The following PAX5 variants were observed in gnomAD, a reference collection of about 807,000 sequenced individuals.
The protein encoded by PAX5 is paired box protein Pax-5.
In PAX5, 9 loss-of-function variants were observed where a neutral mutation model predicts 43.7. That is an observed-to-expected ratio of 0.21 (90% confidence interval 0.12 to 0.36). The LOEUF is 0.36. Among genes scored for constraint, PAX5 ranks in the 10% least tolerant of loss-of-function variants. The probability of loss-of-function intolerance (pLI) is 1.00; values close to 1 mark genes in which losing one functional copy is unlikely to be tolerated. For synonymous variants in PAX5, 228 were observed against 214.3 expected, an observed-to-expected ratio of 1.06 and a Z score of -0.56; for missense variants, 383 against 532.7, an observed-to-expected ratio of 0.72 and a Z score of 2.77.
intron 5 of PAX5, 24 bp downstream of exon 5, chr9:37,002,624 C>T (rs1359021557): frequency 6.3e-7 from 1 of 1,599,382 alleles, no homozygotes; most frequent in Non-Finnish European, 8.5e-7. Flanking sequence ...GCATCCCCGA[C>T]GGGGCTGCGC....
Position 37,026,645 on chromosome 9 carries a change from T to G in PAX5, c.47-5844A>C, listed in dbSNP as rs1840406880. On this transcript the variant is annotated intron_variant, in intron 1 of 9. Transcript: ENST00000358127. ...GCGCCAAGGGGCTGCCCAGGGCGGA[T>G]AGGGAGCCTCGCCACCAGGCCAGGC... 2.2e-6 allele frequency: 3 copies of G among 1,349,378 alleles called. No homozygotes were observed. In the South Asian group the frequency reaches 3.7e-5, roughly 17 times the overall value. 83.6% of individuals were successfully genotyped at this position (1,349,378 alleles called of 1,614,324 possible).
At chr9:36,871,094 G>T (rs1825442493) in intron 8 of PAX5, among the ~76,000 whole-genome samples, 1 of 152,224 alleles carries the variant, frequency 6.6e-6, no homozygotes, top group South Asian at 2.1e-4. Flanking sequence ...CTCTTGACAG[G>T]CCTTTTGGCA....
chr9:36,971,001 C>T (rs956038646), intron 5 of PAX5, among the ~76,000 whole-genome samples: 6 of 152,208 alleles, frequency 3.9e-5, no homozygotes, highest in South Asian at 2.1e-4. Flanking sequence ...GTGTGACAAG[C>T]ACCATCACTC....
At chr9:36,901,147 C>A (rs546308626) in intron 7 of PAX5, among the ~76,000 whole-genome samples, 1 of 152,234 alleles carries the variant, frequency 6.6e-6, no homozygotes, top group South Asian at 2.1e-4. Context: ...ACAGAGATTC[C>A]CCTGGAGAGT....
intron 1 of PAX5, among the ~76,000 whole-genome samples, chr9:37,030,079 C>G (rs1840827975): frequency 6.6e-6 from 1 of 152,198 alleles, no homozygotes; most frequent in South Asian, 2.1e-4. Context: ...ACGGCCCGAG[C>G]AGGAGTAGCG....
At chr9:36,927,093 G>A (rs1830707319) in intron 6 of PAX5, among the ~76,000 whole-genome samples, 2 of 152,192 alleles carry the variant, frequency 1.3e-5, no homozygotes, top group South Asian at 4.1e-4. Flanking sequence ...GCGTAAAGGG[G>A]AAAGATGGAA....
chr9:36,860,494 CA>C (rs553666255), intron 8 of PAX5, among the ~76,000 whole-genome samples: 37 of 152,232 alleles, frequency 2.4e-4, no homozygotes, highest in South Asian at 6.2e-4. Flanking sequence ...GTTTGAGAGA[CA>C]GGGGGCAGGG....
chr9:36,886,970 A>C (rs886282055), intron 7 of PAX5, among the ~76,000 whole-genome samples: 1 of 152,170 alleles, frequency 6.6e-6, no homozygotes, highest in Non-Finnish European at 1.5e-5. Flanking sequence ...ATTTGGTTTG[A>C]AATAACTCAC....
chr9:36,880,276 A>G (rs1307947062), intron 8 of PAX5, among the ~76,000 whole-genome samples: 1 of 152,238 alleles, frequency 6.6e-6, no homozygotes, highest in Non-Finnish European at 1.5e-5. Context: ...GTGGACACCC[A>G]GCCCGCACAT....
At chr9:36,957,681 C>A (rs551339812) in intron 6 of PAX5, among the ~76,000 whole-genome samples, 1 of 152,100 alleles carries the variant, frequency 6.6e-6, no homozygotes, top group African/African-American at 2.4e-5. Context: ...CAGTGTGTTA[C>A]GCAAATATTA....
intron 8 of PAX5, among the ~76,000 whole-genome samples, chr9:36,868,285 A>G (rs1389896636): frequency 6.6e-6 from 1 of 152,196 alleles, no homozygotes; most frequent in Non-Finnish European, 1.5e-5. Flanking sequence ...CTGTATTCAG[A>G]TAAATCCCAC....
chr9:37,015,098 T>C lies in PAX5; in HGVS notation c.309A>G (p.Lys103=). The change falls in exon 3 of 10, where the codon AAA becomes AAG. Residue 103 remains lysine (K), a synonymous_variant. Coordinates refer to ENST00000358127, the MANE Select transcript of PAX5 (RefSeq NM_016734.3). This position sits in a 1 kb window ranked among gnomAD's most constrained non-coding sequence, Gnocchi z 4.4. ...AGGCAAACATGGTGGGATTTTGGCG[T>C]TTATATTCAGCGATTTTTTCCACCA... The part of the protein sequence containing the change: ...PKVVEKIAEY[K]RQNPTMFAWE... The C allele has an allele frequency of 6.2e-7, 1 of 1,614,178 alleles. No homozygotes were observed. The highest frequency in any genetic ancestry group is 8.5e-7 in the Non-Finnish European group (1 of 1,180,026).
intron 3 of PAX5, among the ~76,000 whole-genome samples, chr9:37,010,718 A>G (rs543591603): frequency 6.6e-6 from 1 of 152,266 alleles, no homozygotes; most frequent in African/African-American, 2.4e-5. Context: ...AAACACCCAC[A>G]TCTATGGCAC....
At chr9:36,958,540 T>C (rs1588082171) in intron 6 of PAX5, among the ~76,000 whole-genome samples, 1 of 152,098 alleles carries the variant, frequency 6.6e-6, no homozygotes, top group African/African-American at 2.4e-5. Flanking sequence ...GGCCACACTT[T>C]TTGGGCAATA....
chr9:36,994,683 C>T (rs993459844), intron 5 of PAX5, among the ~76,000 whole-genome samples: 6 of 152,306 alleles, frequency 3.9e-5, no homozygotes, highest in African/African-American at 1.4e-4. Context: ...GAGCGGGGAG[C>T]GCATGAGAAC....
chr9:36,910,772 C>A (rs1282748406), intron 7 of PAX5, among the ~76,000 whole-genome samples: 1 of 152,148 alleles, frequency 6.6e-6, no homozygotes, highest in Non-Finnish European at 1.5e-5. Context: ...GGTGACCAAG[C>A]CCTGATGTGG....
intron 8 of PAX5, among the ~76,000 whole-genome samples, chr9:36,850,349 C>G (rs1444938304): frequency 6.6e-6 from 1 of 152,234 alleles, no homozygotes; most frequent in Non-Finnish European, 1.5e-5. Flanking sequence ...ACAGTCTAAG[C>G]AAGAGGGACT....
At chr9:36,971,115 A>T (rs979971092) in intron 5 of PAX5, among the ~76,000 whole-genome samples, 49 of 152,192 alleles carry the variant, frequency 3.2e-4, no homozygotes, top group African/African-American at 1.1e-3. Context: ...GGACACAGTG[A>T]TGGGCAAAAG....
intron 4 of PAX5, among the ~76,000 whole-genome samples, chr9:37,004,399 GGCTATAACCA>G (rs1838209029): frequency 6.6e-6 from 1 of 152,142 alleles, no homozygotes; most frequent in South Asian, 2.1e-4. Flanking sequence ...CACTTCCTTG[GGCTATAACCA>G]GCTGGAGGCA....
Sources: gnomAD v4.1 joint callset for allele counts (sites outside exome capture counted in the v4.1 genomes callset) on GRCh38, gnomAD v4.1.1 for gene constraint, Gnocchi (gnomAD v3.1) non-coding constraint, MANE v1.5 for transcripts, NCBI Gene and HGNC (gene_info 2026-07-23, HGNC 2026-07-21) for gene names.